The following SLC9A2 variants were observed in gnomAD, a reference collection of about 807,000 sequenced individuals.
SLC9A2 encodes solute carrier family 9 member A2.
SLC9A2 carries 42 observed loss-of-function variants against 71.7 expected under a neutral mutation model. That is an observed-to-expected ratio of 0.59 (90% CI 0.46 to 0.76). The LOEUF (loss-of-function observed/expected upper bound fraction) is 0.76. Ranked by LOEUF, SLC9A2 falls within the 30% of genes least tolerant of loss-of-function variation. The pLI is 0.00. For missense variants in SLC9A2, 829 were observed against 1,017.4 expected (o/e 0.81, Z 2.52); for synonymous variants, 396 against 392.5 (o/e 1.01, Z -0.10).
intron 3 of SLC9A2, among the ~76,000 whole-genome samples, chr2:102,680,726 T>C (rs1194260227): frequency 1.3e-5 from 2 of 152,196 alleles, no homozygotes; most frequent in African/African-American, 4.8e-5. Context: ...TGTTACCTTC[T>C]ATGGCCAAAG....
At chr2:102,685,110 G>A (rs79619759) in intron 5 of SLC9A2, among the ~76,000 whole-genome samples, 14,081 of 152,282 alleles carry the variant, frequency 0.092, 878 homozygotes, top group Non-Finnish European at 0.13. Flanking sequence ...ACATCAAATG[G>A]TCATGAAAGG....
At chr2:102,622,055 T>G (rs1330138409) in intron 1 of SLC9A2, among the ~76,000 whole-genome samples, 1 of 152,202 alleles carries the variant, frequency 6.6e-6, no homozygotes, top group Non-Finnish European at 1.5e-5. Context: ...TTAACAACTC[T>G]GAAGTCTGTA....
chr2:102,634,910 C>A (rs1676439338), intron 1 of SLC9A2, among the ~76,000 whole-genome samples: 1 of 152,104 alleles, frequency 6.6e-6, no homozygotes. Context: ...CTCATTGACC[C>A]TCCTCCGGAC....
intron 1 of SLC9A2, among the ~76,000 whole-genome samples, chr2:102,626,612 A>T (rs1455332012): frequency 6.6e-6 from 1 of 152,242 alleles, no homozygotes; most frequent in African/African-American, 2.4e-5. Context: ...CAGCAAAATG[A>T]ACTACCATCA....
chr2:102,641,151 G>A (rs1293042398), intron 1 of SLC9A2, among the ~76,000 whole-genome samples: 4 of 152,068 alleles, frequency 2.6e-5, no homozygotes, highest in African/African-American at 9.7e-5. Flanking sequence ...TGCTCTAGTG[G>A]GTGCGACAGA....
chr2:102,678,935 T>C (rs1051569476), intron 3 of SLC9A2, among the ~76,000 whole-genome samples: 4 of 152,210 alleles, frequency 2.6e-5, no homozygotes, highest in African/African-American at 9.7e-5. Flanking sequence ...GTAGTGTGTT[T>C]ACTTCTGATA....
In SLC9A2 at chr2:102,708,326, C is replaced by T. The variant is rs778182977; in HGVS notation, c.2276C>T (p.Thr759Met). The T allele has an allele frequency of 7.4e-6, 12 of 1,614,184 alleles. No individual in the cohort carries two copies. The highest frequency in any genetic ancestry group is 1.1e-5 in the South Asian group (1 of 91,084). The part of the protein sequence containing the change: ...TPHSREKGTQ[T>M]SGLLQQPLLS... ...CACAGCAGAGAAAAGGGCACCCAGA[C>T]GTCAGGCTTACTACAGCAGCCCCTT... Residue 759 changes from threonine to methionine, a missense_variant, in exon 12 of 12, where the codon ACG (threonine) becomes ATG (methionine). Thr to Met is a moderately conservative substitution (Grantham distance 81). Around this residue, in one of 3 missense-constraint regions of SLC9A2, gnomAD observed 223 missense variants for 197.5 expected, o/e 1.13. Transcript: ENST00000233969.
chr2:102,700,961 G>C (rs1677862053), intron 7 of SLC9A2, 109 bp from the exon 8 acceptor site: 1 of 713,052 alleles, frequency 1.4e-6, no homozygotes. Context: ...GCTAAATGCT[G>C]CTACTAAGTA....
intron 9 of SLC9A2, among the ~76,000 whole-genome samples, chr2:102,703,036 G>A (rs1677904463): frequency 1.3e-5 from 2 of 152,116 alleles, no homozygotes; most frequent in Non-Finnish European, 2.9e-5. Context: ...AGGTGTTACT[G>A]TTGTCGCCAT....
At chr2:102,677,375 TAAAG>T (rs1378934879) in intron 3 of SLC9A2, among the ~76,000 whole-genome samples, 1 of 152,194 alleles carries the variant, frequency 6.6e-6, no homozygotes, top group Non-Finnish European at 1.5e-5. Context: ...GATATACTGA[TAAAG>T]AAAACCTCAG....
At chr2:102,696,028 G>T (rs1410609035) in intron 7 of SLC9A2, among the ~76,000 whole-genome samples, 1 of 151,584 alleles carries the variant, frequency 6.6e-6, no homozygotes, top group Admixed American at 6.6e-5. Context: ...CTGAGAAACA[G>T]CATTATGGGT....
chr2:102,648,575 G>T (rs896868792), intron 1 of SLC9A2, among the ~76,000 whole-genome samples: 1 of 152,164 alleles, frequency 6.6e-6, no homozygotes, highest in Non-Finnish European at 1.5e-5. Flanking sequence ...CAGATGACAT[G>T]ATTGTATATT....
At chr2:102,629,376 C>CTT (rs924609466) in intron 1 of SLC9A2, among the ~76,000 whole-genome samples, 28 of 151,878 alleles carry the variant, frequency 1.8e-4, no homozygotes, top group African/African-American at 6.5e-4. Flanking sequence ...TGCGCATGTA[C>CTT]TTTTTTTCCA....
chr2:102,696,854 T>C (rs1021373783), intron 7 of SLC9A2, among the ~76,000 whole-genome samples: 2 of 152,174 alleles, frequency 1.3e-5, no homozygotes, highest in African/African-American at 4.8e-5. Context: ...AACTATTTTT[T>C]AAATGGCCAT....
At chr2:102,656,779 T>C (rs1203230137) in intron 1 of SLC9A2, among the ~76,000 whole-genome samples, 1 of 152,214 alleles carries the variant, frequency 6.6e-6, no homozygotes, top group Non-Finnish European at 1.5e-5. Flanking sequence ...CCTGGATCTC[T>C]TTCAGCTTCA....
intron 7 of SLC9A2, among the ~76,000 whole-genome samples, chr2:102,699,719 T>C (rs1677838941): frequency 6.6e-6 from 1 of 152,156 alleles, no homozygotes; most frequent in Non-Finnish European, 1.5e-5. Flanking sequence ...CAGAAATGAA[T>C]TGTCTCATAA....
intron 1 of SLC9A2, among the ~76,000 whole-genome samples, chr2:102,652,059 T>A (rs1345126003): frequency 6.6e-6 from 1 of 152,198 alleles, no homozygotes; most frequent in African/African-American, 2.4e-5. Flanking sequence ...CAAACATGGA[T>A]CCATTTGAAA....
chr2:102,663,534 C>T (rs13432283), intron 2 of SLC9A2, among the ~76,000 whole-genome samples: 29,818 of 152,088 alleles, frequency 0.2, 3,291 homozygotes, highest in East Asian at 0.34. Flanking sequence ...TTTGCCAGGC[C>T]GCACACTGCT....
chr2:102,705,159 T>C (rs1188837428), intron 10 of SLC9A2, among the ~76,000 whole-genome samples: 2 of 151,998 alleles, frequency 1.3e-5, no homozygotes, highest in African/African-American at 4.8e-5. Flanking sequence ...TGAGCCGAGA[T>C]TGGGCCACTG....
Sources: allele counts gnomAD v4.1 joint callset (sites outside exome capture counted in the v4.1 genomes callset), GRCh38; gene constraint gnomAD v4.1.1; regional missense constraint gnomAD v4.1.1; transcripts MANE v1.5; gene names NCBI Gene and HGNC (gene_info 2026-07-23, HGNC 2026-07-21).